Variants in TMEM230 observed in about 807,000 individuals in gnomAD.
The protein encoded by TMEM230 is UPF0414 transmembrane protein C20orf30.
Under a neutral mutation model 15.8 loss-of-function variants are expected in TMEM230, and 10 were observed. The ratio of observed to expected loss-of-function variants is 0.63; its 90% CI spans 0.39 to 1.07. The LOEUF (loss-of-function observed/expected upper bound fraction) is 1.07, where lower values mean the gene tolerates loss of function less well. TMEM230 is among the 50% of genes least tolerant of loss of function. The pLI is 0.01. For synonymous variants in TMEM230, 67 were observed against 76.9 expected (o/e 0.87, Z 0.68); for missense variants, 165 against 193.3 (o/e 0.85, Z 0.87).
At chr20:5,074,158 C>T (rs2088915001) in intron 3 of TMEM230, among the ~76,000 whole-genome samples, 1 of 152,200 alleles carries the variant, frequency 6.6e-6, no homozygotes, top group African/African-American at 2.4e-5. Flanking sequence ...CACCAGGCCC[C>T]TCCTCCAACA....
At chr20:5,091,599 T>C (rs1388140852) in intron 3 of TMEM230, among the ~76,000 whole-genome samples, 2 of 152,206 alleles carry the variant, frequency 1.3e-5, no homozygotes, top group African/African-American at 2.4e-5. Context: ...AAGGATATGA[T>C]GGGCTGACTG....
intron 3 of TMEM230, among the ~76,000 whole-genome samples, chr20:5,089,942 C>G (rs1792408740): frequency 6.6e-6 from 1 of 152,034 alleles, no homozygotes; most frequent in African/African-American, 2.4e-5. Context: ...TCGCTTGAAC[C>G]TGGGGGGCGG....
At chr20:5,096,789 C>CGT (rs2122689475), downstream of TMEM230, among the ~76,000 whole-genome samples, 1 of 152,302 alleles carries the variant, frequency 6.6e-6, no homozygotes, top group Non-Finnish European at 1.5e-5. Flanking sequence ...CTCAAAGGAA[C>CGT]ATGGTGTCCT....
chr20:5,083,596 T>G (rs994491696), intron 3 of TMEM230, among the ~76,000 whole-genome samples: 4 of 151,104 alleles, frequency 2.6e-5, no homozygotes, highest in African/African-American at 9.8e-5. Context: ...TGGTTTTATC[T>G]TATTATAATT....
chr20:5,105,707 C>T (rs2090048721), intron 4 of TMEM230, among the ~76,000 whole-genome samples: 1 of 151,902 alleles, frequency 6.6e-6, no homozygotes, highest in Non-Finnish European at 1.5e-5. Flanking sequence ...CTCATGTATC[C>T]CCTAAGTATA....
chr20:5,105,019 T>A (rs918051662), intron 4 of TMEM230, among the ~76,000 whole-genome samples: 1 of 152,252 alleles, frequency 6.6e-6, no homozygotes, highest in Non-Finnish European at 1.5e-5. Context: ...ACGTGGTAGC[T>A]CACGCCTGTA....
intron 1 of TMEM230, among the ~76,000 whole-genome samples, chr20:5,112,394 T>C (rs1326705434): frequency 1.3e-5 from 2 of 152,266 alleles, no homozygotes; most frequent in African/African-American, 4.8e-5. Flanking sequence ...CCAGTATGTG[T>C]GGTTTTTGAG....
Position 5,106,177 on chromosome 20 carries a change from C to A in TMEM230, c.411+11G>T. ...ATCTCACAACTTATTCCCACATGCC[C>A]GTCAGCTTACCCCTTTGCTGATGTA... On this transcript the variant is annotated intron_variant, in intron 4 of 4. Transcript: ENST00000342308. The A allele has an allele frequency of 6.2e-7, 1 of 1,601,960 alleles. No individual in the cohort carries two copies. Among genetic ancestry groups the A allele is most frequent in the East Asian group, 2.2e-5 (1 of 44,770 alleles).
chr20:5,108,259 A>C (rs1325652132), intron 3 of TMEM230, among the ~76,000 whole-genome samples: 1 of 152,146 alleles, frequency 6.6e-6, no homozygotes, highest in Non-Finnish European at 1.5e-5. Context: ...GTCTCTACTA[A>C]AAATACAAAA....
intron 2 of TMEM230, among the ~76,000 whole-genome samples, chr20:5,110,346 G>A (rs1032761759): frequency 3.3e-5 from 5 of 151,034 alleles, no homozygotes; most frequent in African/African-American, 9.8e-5. Flanking sequence ...GTGCAGTGGC[G>A]CAATCTCCAT....
At chr20:5,069,124 T>C (rs1318151867) in exon 4 of TMEM230, 1 of 1,323,372 alleles carries the variant, frequency 7.6e-7, no homozygotes, top group Non-Finnish European at 1.0e-6. Flanking sequence ...CTGACGTACT[T>C]ATTCCTAGGA....
In TMEM230 at chr20:5,100,413, A is replaced by G; in HGVS notation, c.*378T>C. 1.0e-6 allele frequency: 1 copy of G among 995,468 alleles called. No individual in the cohort carries two copies. Among genetic ancestry groups the G allele is most frequent in the South Asian group, 4.4e-5 (1 of 22,984 alleles). 61.7% of individuals were successfully genotyped at this position (995,468 alleles called of 1,614,324 possible). On this transcript the variant is annotated 3_prime_UTR_variant, in exon 5 of 5. Transcript: ENST00000342308. Reference sequence around the variant, plus strand: ...TATTTTTAAAATAAATTACTTAATAATAAGAAATTAGCCATACCACATTGT... The same window carrying G: ...TATTTTTAAAATAAATTACTTAATAGTAAGAAATTAGCCATACCACATTGT...
chr20:5,082,885 T>C (rs879101494), intron 3 of TMEM230, among the ~76,000 whole-genome samples: 1 of 152,104 alleles, frequency 6.6e-6, no homozygotes, highest in Admixed American at 6.6e-5. Context: ...TGGTATTTTA[T>C]TATTAGTTAT....
intron 4 of TMEM230, among the ~76,000 whole-genome samples, chr20:5,105,659 G>A (rs1025203911): frequency 6.6e-6 from 1 of 152,142 alleles, no homozygotes; most frequent in Admixed American, 6.5e-5. Context: ...CATTTAGCCT[G>A]ATGTGATTAT....
chr20:5,106,268 G>C lies in TMEM230; in HGVS notation c.331C>G (p.Leu111Val). 1 of 1,614,064 alleles carries C rather than the reference G, an allele frequency of 6.2e-7. No homozygotes were observed. The highest frequency in any genetic ancestry group is 1.1e-5 in the South Asian group (1 of 91,072). The change falls in exon 4 of 5, where the codon CTT (leucine) becomes GTT (valine). Residue 111 changes from leucine (L) to valine (V), a missense_variant. Physicochemically the swap from Leu to Val is conservative, Grantham distance 32. Coordinates refer to ENST00000342308, the MANE Select transcript of TMEM230 (RefSeq NM_001009923.2). Reference sequence around the variant, plus strand: ...CCAATCAAAAACAGCACAGTGGCAAGTGCGATGGCCTTATAAGGGATCTTA... The same window carrying C: ...CCAATCAAAAACAGCACAGTGGCAACTGCGATGGCCTTATAAGGGATCTTA...
At chr20:5,103,146 T>G (rs1268968569) in intron 4 of TMEM230, among the ~76,000 whole-genome samples, 2 of 152,222 alleles carry the variant, frequency 1.3e-5, no homozygotes, top group Non-Finnish European at 2.9e-5. Flanking sequence ...GGCCTCACAC[T>G]GACCATAATT....
At chr20:5,111,839 T>C in intron 1 of TMEM230, 1 of 894,116 alleles carries the variant, frequency 1.1e-6, no homozygotes, top group African/African-American at 2.0e-5. Flanking sequence ...ATTGTTTTTC[T>C]TTTTTTTTGG....
intron 4 of TMEM230, among the ~76,000 whole-genome samples, chr20:5,103,399 G>C (rs988533443): frequency 3.3e-5 from 5 of 152,084 alleles, no homozygotes; most frequent in African/African-American, 1.2e-4. Context: ...TGAAGATTGA[G>C]GTTGCAGAGA....
chr20:5,098,235 A>G (rs2089724843), downstream of TMEM230, among the ~76,000 whole-genome samples: 1 of 152,086 alleles, frequency 6.6e-6, no homozygotes, highest in African/African-American at 2.4e-5. Context: ...TCGGGCTCCC[A>G]AAGTGCGGGG....
Sources: gnomAD v4.1 joint callset for allele counts (sites outside exome capture counted in the v4.1 genomes callset) on GRCh38, gnomAD v4.1.1 for gene constraint, MANE v1.5 for transcripts, NCBI Gene and HGNC (gene_info 2026-07-23, HGNC 2026-07-21) for gene names.